SRGAP3: variants seen among roughly 807,000 people sequenced by gnomAD.
SRGAP3 encodes SLIT-ROBO Rho GTPase-activating protein 3.
A neutral mutation model predicts 121.1 loss-of-function variants in SRGAP3; 39 were observed. The observed-to-expected ratio is 0.32, with a 90% CI of 0.25 to 0.42. SRGAP3 has a LOEUF of 0.42. SRGAP3 is among the 10% of genes least tolerant of loss of function. The pLI is 1.00. For synonymous variants in SRGAP3, 601 were observed against 570.0 expected (o/e 1.05, Z -0.77); for missense variants, 1,213 against 1,470.6 (o/e 0.82, Z 2.86).
chr3:9,291,959 GAA>G (rs1159464747), intron 3 of SRGAP3, among the ~76,000 whole-genome samples: 1 of 152,074 alleles, frequency 6.6e-6, no homozygotes, highest in Non-Finnish European at 1.5e-5. Context: ...TTGTCCAAAA[GAA>G]AAAGAGATGT....
intron 18 of SRGAP3, among the ~76,000 whole-genome samples, chr3:8,996,016 TCA>T (rs541838321): frequency 6.6e-6 from 1 of 152,210 alleles, no homozygotes; most frequent in South Asian, 2.1e-4. Context: ...CACCTGTCCA[TCA>T]CACAGTTAAG....
At chr3:9,272,085 A>G (rs1954488029) in intron 3 of SRGAP3, among the ~76,000 whole-genome samples, 1 of 152,240 alleles carries the variant, frequency 6.6e-6, no homozygotes, top group African/African-American at 2.4e-5. Context: ...GACATTGTCC[A>G]CTACAACCTG....
chr3:9,041,855 C>A (rs929797657), intron 10 of SRGAP3, among the ~76,000 whole-genome samples: 1 of 152,168 alleles, frequency 6.6e-6, no homozygotes, highest in Non-Finnish European at 1.5e-5. Context: ...AATCCCAGCA[C>A]TTTCGGAGGC....
chr3:9,245,280 C>T (rs1483868984), intron 1 of SRGAP3, among the ~76,000 whole-genome samples: 1 of 152,180 alleles, frequency 6.6e-6, no homozygotes, highest in Admixed American at 6.5e-5. Context: ...AAGTCCGTCA[C>T]AATCACCACC....
chr3:9,179,397 T>A (rs572310483), intron 1 of SRGAP3, among the ~76,000 whole-genome samples: 166 of 152,316 alleles, frequency 1.1e-3, no homozygotes, highest in African/African-American at 3.7e-3. Context: ...AGTCTCCATT[T>A]TTTTCATCTG....
intron 12 of SRGAP3, among the ~76,000 whole-genome samples, chr3:9,031,123 T>A (rs1944459988): frequency 6.6e-6 from 1 of 152,128 alleles, no homozygotes; most frequent in African/African-American, 2.4e-5. Flanking sequence ...CCTAAACTTG[T>A]TTCTGTGGGG....
At chr3:9,313,839 C>CA (rs1955295001) in intron 3 of SRGAP3, among the ~76,000 whole-genome samples, 1 of 151,724 alleles carries the variant, frequency 6.6e-6, no homozygotes, top group African/African-American at 2.4e-5. Flanking sequence ...TACTAAAATA[C>CA]AAAAATTAGC....
intron 9 of SRGAP3, among the ~76,000 whole-genome samples, chr3:9,051,017 C>CCT (rs1945542071): frequency 1.2e-5 from 1 of 81,830 alleles, no homozygotes; most frequent in Non-Finnish European, 2.4e-5. Flanking sequence ...AGCCTCATTG[C>CCT]TTTTTTTTTT....
intron 3 of SRGAP3, among the ~76,000 whole-genome samples, chr3:9,089,917 G>A (rs1366410631): frequency 6.6e-6 from 1 of 151,968 alleles, no homozygotes; most frequent in Non-Finnish European, 1.5e-5. Flanking sequence ...TTCTCCCCGG[G>A]GGTTGCTAAA....
intron 1 of SRGAP3, among the ~76,000 whole-genome samples, chr3:9,339,747 T>A (rs1411207962): frequency 6.6e-6 from 1 of 152,164 alleles, no homozygotes; most frequent in Non-Finnish European, 1.5e-5. Flanking sequence ...GGGCTGCCAG[T>A]TTGCAACCTC....
At chr3:9,004,354 C>CTA (rs1942943217) in intron 18 of SRGAP3, among the ~76,000 whole-genome samples, 1 of 152,184 alleles carries the variant, frequency 6.6e-6, no homozygotes, top group Non-Finnish European at 1.5e-5. Flanking sequence ...TCCAACTGAC[C>CTA]TATAGATTTA....
intron 21 of SRGAP3, 150 bp from the exon 22 acceptor site, chr3:8,986,082 A>C: frequency 6.8e-7 from 1 of 1,474,268 alleles, no homozygotes; most frequent in Non-Finnish European, 9.1e-7. Flanking sequence ...TTATAACCAC[A>C]TGGGAGAACC....
rs946092183 is a variant in SRGAP3 at position 9,249,291 on chromosome 3, A to T, written c.-340T>A. 1 of 452,110 alleles carries T rather than the reference A, an allele frequency of 2.2e-6. No homozygotes were observed. Among genetic ancestry groups the T allele is most frequent in the Non-Finnish European group, 4.1e-6 (1 of 243,282 alleles). The allele number at this position is 452,110 out of a possible 1,614,324, so 28.0% of individuals were successfully genotyped here. A position where few individuals can be genotyped will look rare whatever the true frequency, so the allele number is the denominator to read the frequency against. On this transcript the variant is annotated 5_prime_UTR_variant, in exon 1 of 22. An upstream start codon of the reference 5' UTR is lost. Coordinates refer to ENST00000383836, the MANE Select transcript of SRGAP3 (RefSeq NM_014850.4). Reference sequence around the variant, plus strand: ...AATAACCAAGCGCACTCACACACACATGCACACGTACACACACTCACGCAT... The same window carrying T: ...AATAACCAAGCGCACTCACACACACTTGCACACGTACACACACTCACGCAT...
upstream of SRGAP3, among the ~76,000 whole-genome samples, chr3:9,249,988 A>G (rs1172363498): frequency 6.6e-6 from 1 of 152,218 alleles, no homozygotes; most frequent in Non-Finnish European, 1.5e-5. Context: ...AGTCTAGCAG[A>G]GGGCCTGACC....
chr3:9,186,703 T>C (rs115655400), intron 1 of SRGAP3, among the ~76,000 whole-genome samples: 5,167 of 152,112 alleles, frequency 0.034, 146 homozygotes, highest in Middle Eastern at 0.099. Flanking sequence ...CATGTACGAC[T>C]GACCCCAGGA....
intron 5 of SRGAP3, 34 bp from the exon 6 acceptor site, chr3:9,060,393 C>A: frequency 6.3e-7 from 1 of 1,598,396 alleles, no homozygotes; most frequent in Non-Finnish European, 8.5e-7. Flanking sequence ...TAAGAGCAAG[C>A]CATTTAAGAG....
At chr3:9,115,766 C>T (rs1248887624) in intron 2 of SRGAP3, among the ~76,000 whole-genome samples, 1 of 152,164 alleles carries the variant, frequency 6.6e-6, no homozygotes, top group East Asian at 1.9e-4. Context: ...CTGCACACCA[C>T]CACACTTAAT....
intron 3 of SRGAP3, among the ~76,000 whole-genome samples, chr3:9,295,604 A>G (rs1241490867): frequency 6.6e-6 from 1 of 151,524 alleles, no homozygotes; most frequent in Non-Finnish European, 1.5e-5. Flanking sequence ...AGAGATTTCC[A>G]TTTTTTAGCT....
chr3:9,210,642 T>C (rs181784521), intron 1 of SRGAP3, among the ~76,000 whole-genome samples: 298 of 151,954 alleles, frequency 2.0e-3, no homozygotes, highest in Middle Eastern at 6.8e-3. Flanking sequence ...CTGGCCAACA[T>C]GGTGAAACCC....
Sources: gnomAD v4.1 joint callset for allele counts (sites outside exome capture counted in the v4.1 genomes callset) on GRCh38, gnomAD v4.1.1 for gene constraint, MANE v1.5 for transcripts, NCBI Gene and HGNC (gene_info 2026-07-23, HGNC 2026-07-21) for gene names.